The following ABAT variants were observed in gnomAD, a reference collection of about 807,000 sequenced individuals.
The protein encoded by ABAT is 4-aminobutyrate aminotransferase, also known as 4-aminobutyrate aminotransferase, mitochondrial.
Under a neutral mutation model 64.6 loss-of-function variants are expected in ABAT, and 45 were observed. The observed-to-expected ratio is 0.70, with a 90% CI of 0.55 to 0.89. ABAT has a LOEUF of 0.89. Ranked by LOEUF, ABAT falls within the 40% of genes least tolerant of loss-of-function variation. ABAT has a pLI of 0.00. For missense variants in ABAT, 633 were observed against 658.4 expected (o/e 0.96, Z 0.42); for synonymous variants, 297 against 250.5 (o/e 1.19, Z -1.75).
intron 1 of ABAT, among the ~76,000 whole-genome samples, chr16:8,725,042 A>G (rs2058504369): frequency 6.6e-6 from 1 of 151,674 alleles, no homozygotes; most frequent in Non-Finnish European, 1.5e-5. Flanking sequence ...TCAGCCTCCA[A>G]AGTAGCTGGG....
intron 1 of ABAT, among the ~76,000 whole-genome samples, chr16:8,735,388 A>C (rs995746751): frequency 6.6e-6 from 1 of 151,848 alleles, no homozygotes; most frequent in Non-Finnish European, 1.5e-5. Flanking sequence ...AGTAGCTGGG[A>C]CTATAGGCAG....
intron 15 of ABAT, among the ~76,000 whole-genome samples, chr16:8,780,994 CTA>C (rs2060419311): frequency 1.3e-5 from 2 of 152,052 alleles, no homozygotes; most frequent in Non-Finnish European, 2.9e-5. Flanking sequence ...CAGGATTTCT[CTA>C]TCACCAGACC....
intron 6 of ABAT, among the ~76,000 whole-genome samples, chr16:8,761,077 G>A (rs11649570): frequency 0.84 from 127,026 of 151,672 alleles, 54,370 homozygotes; most frequent in Non-Finnish European, 0.93. Flanking sequence ...CCTTGCCTCT[G>A]AAACAAAACA....
At chr16:8,743,648 A>C (rs1301812807) in intron 2 of ABAT, among the ~76,000 whole-genome samples, 1 of 6,458 alleles carries the variant, frequency 1.5e-4, no homozygotes, top group Admixed American at 1.9e-3. Flanking sequence ...TATAATATAT[A>C]ATATATATTT....
Position 8,750,258 on chromosome 16 carries a change from T to C in ABAT, c.199-164T>C, listed in dbSNP as rs539130400. Among the ~76,000 whole-genome samples, 3 of 152,288 alleles carry C rather than the reference T, an allele frequency of 2.0e-5. No individual in the cohort carries two copies. The South Asian group carries it at 6.2e-4, about 32-fold the overall frequency. On this transcript the variant is annotated intron_variant, in intron 4 of 15. Coordinates refer to ENST00000268251, the MANE Select transcript of ABAT (RefSeq NM_020686.6). ...GAACTATTATAAAGCAAACCACCCA[T>C]GCACTTAGCCAAAACAAGAAATACA...
At chr16:8,736,379 A>G (rs1314579828) in intron 2 of ABAT, 1 of 163,886 alleles carries the variant, frequency 6.1e-6, no homozygotes, top group Admixed American at 5.8e-5. Context: ...TCCTGTCCCA[A>G]GTGCCTCGGT....
At position 8,764,843 on chromosome 16, in the gene ABAT, G is replaced by GCA. The variant is rs35745596; in HGVS notation, c.540+34_540+35dup. On this transcript the variant is annotated intron_variant, in intron 8 of 15. Coordinates refer to ENST00000268251, the MANE Select transcript of ABAT (RefSeq NM_020686.6). This position sits in a 1 kb window ranked among gnomAD's most constrained non-coding sequence, Gnocchi z 4.2. The stretch of plus-strand genomic sequence containing the variant: ...CATGTGGTACCGGGTGAGGTTTGGG[G>GCA]CACACACACACACACACACACAGGC... 190,109 of 1,523,462 alleles carry GCA rather than the reference G, an allele frequency of 0.12. 2,569 individuals are homozygous for GCA. Among genetic ancestry groups the GCA allele is most frequent in the African/African-American group, 0.19 (13,648 of 71,562 alleles). 94.4% of individuals were successfully genotyped at this position (1,523,462 alleles called of 1,614,324 possible).
chr16:8,718,896 A>T (rs2058286068), intron 1 of ABAT, among the ~76,000 whole-genome samples: 1 of 152,250 alleles, frequency 6.6e-6, no homozygotes, highest in African/African-American at 2.4e-5. Flanking sequence ...CCAGGCACAC[A>T]GCGTGACTCC....
chr16:8,735,510 G>T (rs940136874), intron 1 of ABAT, among the ~76,000 whole-genome samples, 189 bp from the exon 2 acceptor site: 1 of 152,130 alleles, frequency 6.6e-6, no homozygotes, highest in Non-Finnish European at 1.5e-5. Flanking sequence ...CTCCCAGTGT[G>T]GCTGAGATGA....
At chr16:8,725,877 C>T (rs1035956721) in intron 1 of ABAT, among the ~76,000 whole-genome samples, 1 of 152,142 alleles carries the variant, frequency 6.6e-6, no homozygotes, top group Non-Finnish European at 1.5e-5. Context: ...TGCCTTCTTA[C>T]TCCTCATCAA....
intron 1 of ABAT, among the ~76,000 whole-genome samples, chr16:8,688,349 C>G (rs1162763732): frequency 6.6e-6 from 1 of 152,196 alleles, no homozygotes; most frequent in Non-Finnish European, 1.5e-5. Flanking sequence ...AGGACTTGAA[C>G]TAGGATCTGC....
chr16:8,683,258 A>G, intron 1 of ABAT: 1 of 153,010 alleles, frequency 6.5e-6, no homozygotes, highest in Non-Finnish European at 1.5e-5. Context: ...GTATCCACTG[A>G]GCAGGGCGGC....
chr16:8,708,206 G>C (rs999708031), intron 1 of ABAT, among the ~76,000 whole-genome samples: 1 of 152,096 alleles, frequency 6.6e-6, no homozygotes, highest in Admixed American at 6.6e-5. Flanking sequence ...TTTATTATCA[G>C]TTCTGAAGGT....
intron 1 of ABAT, among the ~76,000 whole-genome samples, chr16:8,692,299 C>T (rs1291843264): frequency 6.6e-6 from 1 of 151,976 alleles, no homozygotes; most frequent in Non-Finnish European, 1.5e-5. Context: ...GAGGATAAGC[C>T]CAGGAAATCA....
chr16:8,770,412 C>G (rs1218808258), intron 11 of ABAT, among the ~76,000 whole-genome samples: 1 of 152,066 alleles, frequency 6.6e-6, no homozygotes. Flanking sequence ...GCTGGGATTA[C>G]AGGTGTGAGC....
At chr16:8,702,991 A>T (rs1596406100) in intron 1 of ABAT, among the ~76,000 whole-genome samples, 1 of 152,106 alleles carries the variant, frequency 6.6e-6, no homozygotes, top group African/African-American at 2.4e-5. Flanking sequence ...ACTAGGTGTG[A>T]TGCATGAGAG....
chr16:8,731,164 T>A (rs2058708405), intron 1 of ABAT, among the ~76,000 whole-genome samples: 1 of 152,186 alleles, frequency 6.6e-6, no homozygotes, highest in South Asian at 2.1e-4. Context: ...GGTTTTACTG[T>A]GTTGGCCATG....
rs573981752 is a variant in ABAT at position 8,735,973 on chromosome 16, C to T, written c.70+164C>T. On this transcript the variant is annotated intron_variant, in intron 2 of 15. Transcript: ENST00000268251. ...TGTTCTCATGCTGCTAATAAAGGTA[C>T]ACCTGAGACTGGGTATTTTATGAAG... is the stretch of plus-strand genomic sequence containing the variant. 166 of 648,552 alleles carry T rather than the reference C, an allele frequency of 2.6e-4. 2 individuals are homozygous for T. The Admixed American group carries it at 4.0e-3, about 16-fold the overall frequency. The allele number at this position is 648,552 out of a possible 1,614,324, so 40.2% of individuals were successfully genotyped here.
rs150926807 is a variant in ABAT at position 8,693,005 on chromosome 16, C to T, written c.-42+18294C>T. Among the ~76,000 whole-genome samples the T allele has an allele frequency of 3.0e-3, 451 of 152,224 alleles. 3 individuals are homozygous for T. Among genetic ancestry groups the T allele is most frequent in the South Asian group, 0.011 (53 of 4,816 alleles). ...AGTAGCTGGGATTACAGGTGCACAC[C>T]ACCACATCTGGCTAATTTTTGTATT... On this transcript the variant is annotated intron_variant, in intron 1 of 15. Coordinates refer to ENST00000268251, the MANE Select transcript of ABAT (RefSeq NM_020686.6).
Sources: gnomAD v4.1 joint callset for allele counts (sites outside exome capture counted in the v4.1 genomes callset) on GRCh38, gnomAD v4.1.1 for gene constraint, Gnocchi (gnomAD v3.1) non-coding constraint, MANE v1.5 for transcripts, NCBI Gene and HGNC (gene_info 2026-07-23, HGNC 2026-07-21) for gene names.